Variants in NCKAP5 observed in about 807,000 individuals in gnomAD.
NCKAP5 encodes the protein NCK associated protein 5.
Under a neutral mutation model 167.0 loss-of-function variants are expected in NCKAP5, and 92 were observed. The ratio of observed to expected loss-of-function variants is 0.55; its 90% CI spans 0.47 to 0.66. The LOEUF (loss-of-function observed/expected upper bound fraction) is 0.66. NCKAP5 is among the 30% of genes least tolerant of loss of function. NCKAP5 has a pLI of 0.00. For missense variants in NCKAP5, 2,378 were observed against 2,315.0 expected, an observed-to-expected ratio of 1.03 and a Z score of -0.56; for synonymous variants, 891 against 877.4, an observed-to-expected ratio of 1.02 and a Z score of -0.27.
chr2:133,662,752 A>G, the NCKAP5 span, among the ~76,000 whole-genome samples: 2 of 151,616 alleles, frequency 1.3e-5, no homozygotes, highest in South Asian at 4.2e-4. Context: ...GGTTATGGCT[A>G]TAGTTACTGC....
chr2:133,138,097 A>T (rs2082861475), intron 5 of NCKAP5, among the ~76,000 whole-genome samples: 1 of 152,120 alleles, frequency 6.6e-6, no homozygotes, highest in Non-Finnish European at 1.5e-5. Flanking sequence ...AAGGAGTGTG[A>T]GCTGGTACTG....
intron 6 of NCKAP5, among the ~76,000 whole-genome samples, chr2:133,025,810 G>C (rs1317697017): frequency 1.3e-5 from 2 of 152,112 alleles, no homozygotes. Flanking sequence ...CCCAGAAAGG[G>C]TAGAACATAT....
intron 5 of NCKAP5, among the ~76,000 whole-genome samples, chr2:133,159,356 G>A (rs1479326198): frequency 6.6e-6 from 1 of 152,194 alleles, no homozygotes; most frequent in Non-Finnish European, 1.5e-5. Flanking sequence ...CTTGCAATAA[G>A]AGTCCAGCAG....
intron 19 of NCKAP5, among the ~76,000 whole-genome samples, chr2:132,683,999 G>T (rs949632391): frequency 6.6e-6 from 1 of 152,204 alleles, no homozygotes; most frequent in Non-Finnish European, 1.5e-5. Flanking sequence ...ATGCTATTTA[G>T]TCTCTCTCTG....
intron 6 of NCKAP5, among the ~76,000 whole-genome samples, chr2:133,017,494 AT>A (rs1444165508): frequency 3.3e-5 from 5 of 152,240 alleles, no homozygotes; most frequent in African/African-American, 1.2e-4. Context: ...GAAATATGCC[AT>A]GATTATCATT....
chr2:132,920,701 A>G (rs1403569075), intron 8 of NCKAP5, among the ~76,000 whole-genome samples: 2 of 113,710 alleles, frequency 1.8e-5, no homozygotes, highest in African/African-American at 7.9e-5. Context: ...ATATATATAT[A>G]CGTATATGTA....
In NCKAP5 at chr2:133,235,648, A is replaced by C. The variant is rs113052712; in HGVS notation, c.144-21869T>G. Among the ~76,000 whole-genome samples, 1,023 of 152,224 alleles carry C rather than the reference A, an allele frequency of 6.7e-3. 8 individuals carry two copies. The highest frequency in any genetic ancestry group is 0.024 in the African/African-American group (978 of 41,522). On this transcript the variant is annotated intron_variant, in intron 4 of 19. Transcript: ENST00000409261. The stretch of plus-strand genomic sequence containing the variant: ...GCTGGGCACAGTGGCTCATGCCTGC[A>C]ATCCCAGCATGTTGGGAGGCCGAGG...
chr2:133,550,413 T>A (rs1215308357), intron 2 of NCKAP5, among the ~76,000 whole-genome samples: 1 of 151,692 alleles, frequency 6.6e-6, no homozygotes, highest in Non-Finnish European at 1.5e-5. Context: ...TCAAGTGGGC[T>A]TCAACCCTGG....
At chr2:133,337,192 C>G (rs1026255742) in intron 3 of NCKAP5, among the ~76,000 whole-genome samples, 20 of 152,304 alleles carry the variant, frequency 1.3e-4, no homozygotes, top group African/African-American at 4.8e-4. Flanking sequence ...TACATGGACT[C>G]ACACTCAACA....
intron 8 of NCKAP5, among the ~76,000 whole-genome samples, chr2:132,956,157 T>G (rs1049029560): frequency 6.6e-6 from 1 of 152,248 alleles, no homozygotes; most frequent in Non-Finnish European, 1.5e-5. Context: ...ATGTAATTAT[T>G]ACATGTTGTA....
At chr2:132,983,496 A>G (rs2077200138) in intron 7 of NCKAP5, among the ~76,000 whole-genome samples, 1 of 152,022 alleles carries the variant, frequency 6.6e-6, no homozygotes, top group Admixed American at 6.6e-5. Context: ...TGCCTAGTTT[A>G]TTCAGGGTTT....
intron 6 of NCKAP5, among the ~76,000 whole-genome samples, chr2:132,994,572 C>A (rs1464077560): frequency 6.6e-6 from 1 of 152,106 alleles, no homozygotes; most frequent in Non-Finnish European, 1.5e-5. Flanking sequence ...TCCCAAAAAA[C>A]CACTTTCATT....
intron 16 of NCKAP5, among the ~76,000 whole-genome samples, chr2:132,744,584 A>C (rs1467408836): frequency 1.3e-5 from 2 of 151,554 alleles, no homozygotes; most frequent in African/African-American, 2.4e-5. Context: ...AGAACATATT[A>C]AACATAAACT....
intron 6 of NCKAP5, among the ~76,000 whole-genome samples, chr2:133,011,462 G>A (rs562552725): frequency 6.6e-6 from 1 of 152,362 alleles, no homozygotes; most frequent in East Asian, 1.9e-4. Context: ...GAAAGGGCCT[G>A]TTTTGCAGCA....
rs778066228 is a variant in NCKAP5 at position 132,672,453 on chromosome 2, C to T, written c.*836G>A. On this transcript the variant is annotated 3_prime_UTR_variant, in exon 20 of 20. Transcript: ENST00000409261. ...TTACTATCACCTGAATCTCTGGCAACGAATCTGAAATTACACTAAAATGAA... is the reference window on the plus strand; with the variant it reads ...TTACTATCACCTGAATCTCTGGCAATGAATCTGAAATTACACTAAAATGAA... 5.3e-5 allele frequency: 8 copies of T among 152,110 alleles called. No homozygotes were observed. The highest frequency in any genetic ancestry group is 8.8e-5 in the Non-Finnish European group (6 of 68,030). 9.4% of individuals were successfully genotyped at this position (152,110 alleles called of 1,614,324 possible). A position where few individuals can be genotyped will look rare whatever the true frequency, so the allele number is the denominator to read the frequency against.
At chr2:133,014,139 A>T (rs752882415) in intron 6 of NCKAP5, among the ~76,000 whole-genome samples, 11 of 152,204 alleles carry the variant, frequency 7.2e-5, no homozygotes, top group Non-Finnish European at 1.5e-4. Flanking sequence ...AAAACCTTCC[A>T]TGGACCCATC....
intron 3 of NCKAP5, among the ~76,000 whole-genome samples, chr2:133,479,377 A>G (rs1423952061): frequency 6.6e-6 from 1 of 152,224 alleles, no homozygotes; most frequent in East Asian, 1.9e-4. Flanking sequence ...TTGCTTGCCC[A>G]GGAGCATGTG....
chr2:133,209,403 A>T (rs904426587), intron 5 of NCKAP5, among the ~76,000 whole-genome samples: 1 of 149,372 alleles, frequency 6.7e-6, no homozygotes, highest in African/African-American at 2.5e-5. Context: ...AAAGTTGCCA[A>T]AAATAAAGAT....
chr2:132,974,956 T>G (rs1258302099), intron 7 of NCKAP5, among the ~76,000 whole-genome samples: 1 of 152,248 alleles, frequency 6.6e-6, no homozygotes, highest in Non-Finnish European at 1.5e-5. Context: ...GTGCCCTGGT[T>G]GTTTCAGCTT....
Sources: gnomAD v4.1 joint callset for allele counts (sites outside exome capture counted in the v4.1 genomes callset) on GRCh38, gnomAD v4.1.1 for gene constraint, MANE v1.5 for transcripts, NCBI Gene and HGNC (gene_info 2026-07-23, HGNC 2026-07-21) for gene names.